The following FHOD1 variants were observed in gnomAD, a reference collection of about 807,000 sequenced individuals.
FHOD1 encodes the protein formin homology 2 domain containing 1, also known as FH1/FH2 domain-containing protein 1.
Under a neutral mutation model 111.6 loss-of-function variants are expected in FHOD1, and 89 were observed. The observed-to-expected ratio is 0.80, with a 90% CI of 0.67 to 0.95. FHOD1 has a LOEUF of 0.95. Among genes scored for constraint, FHOD1 ranks in the 40% least tolerant of loss-of-function variants. The pLI, the probability that FHOD1 is intolerant of heterozygous loss-of-function variation, is 0.00. For missense variants in FHOD1, 1,446 were observed against 1,554.2 expected, an observed-to-expected ratio of 0.93 and a Z score of 1.17; for synonymous variants, 618 against 639.0, an observed-to-expected ratio of 0.97 and a Z score of 0.50.
At position 67,233,766 on chromosome 16, in the gene FHOD1, C is replaced by T. The variant is rs756274113; in HGVS notation, c.1937G>A (p.Arg646His). The T allele has an allele frequency of 2.9e-5, 47 of 1,613,742 alleles. No individual in the cohort carries two copies. The highest frequency in any genetic ancestry group is 3.7e-5 in the Non-Finnish European group (44 of 1,180,008). Residue 646 changes from arginine (R) to histidine (H), a missense_variant, in exon 13 of 22, where the codon CGC becomes CAC. Around this residue, in one of 3 missense-constraint regions of FHOD1, gnomAD observed 1,085 missense variants for 1,108.8 expected, o/e 0.98. Transcript: ENST00000258201. ...LAGGHGVSAS[R>H]FGPCATLWAS... ...CCAGAGGGTGGCGCAGGGCCCAAAGCGGCTTGCAGAGACTCCATGGCCCCC... is the reference window on the plus strand; with the variant it reads ...CCAGAGGGTGGCGCAGGGCCCAAAGTGGCTTGCAGAGACTCCATGGCCCCC...
At position 67,237,684 on chromosome 16, in the gene FHOD1, C is replaced by T. The variant is rs753286217; in HGVS notation, c.727G>A (p.Ala243Thr). The T allele has an allele frequency of 3.1e-6, 5 of 1,614,034 alleles. No homozygotes were observed. In the African/African-American group the frequency reaches 5.3e-5, roughly 17 times the overall value. ...GTGGTGCTGGCCACAGAGTTCACTGCACGGATGAACAGCGGTGCGTTGTTT... is the reference window on the plus strand; with the variant it reads ...GTGGTGCTGGCCACAGAGTTCACTGTACGGATGAACAGCGGTGCGTTGTTT... ...SENNAPLFIRAVNSVASTTGA... is the reference protein window; with the variant it reads ...SENNAPLFIRTVNSVASTTGA... Residue 243 changes from alanine (A) to threonine (T), a missense_variant, in exon 7 of 22, where the codon GCA (alanine) becomes ACA (threonine). Around this residue, in one of 3 missense-constraint regions of FHOD1, gnomAD observed 234 missense variants for 327.4 expected, o/e 0.71. Coordinates refer to ENST00000258201, the MANE Select transcript of FHOD1 (RefSeq NM_013241.3). The surrounding 1 kb of genome is among the most constrained non-coding windows in gnomAD (Gnocchi z 5.6).
rs2034516046 is a variant in FHOD1, at chr16:67,237,140, G to GA, written c.994-27dup. The stretch of plus-strand genomic sequence containing the variant: ...CTAGCAGAGGCGGACCAGGATGTAA[G>GA]AAAGTGGTTAACGTGTATGCAGGTG... On this transcript the variant is annotated intron_variant, in intron 9 of 21. Transcript: ENST00000258201. This position sits in a 1 kb window ranked among gnomAD's most constrained non-coding sequence, Gnocchi z 5.6. The GA allele has an allele frequency of 1.2e-6, 2 of 1,604,148 alleles. No individual in the cohort carries two copies. The highest frequency in any genetic ancestry group is 1.7e-6 in the Non-Finnish European group (2 of 1,174,416).
In FHOD1 at chr16:67,231,629, C is replaced by T; in HGVS notation, c.2385+8G>A. ...CCTACTGACTGTCCCACTCCAAGAC[C>T]CAGGTACCCGCTCCATGCTGTCATA... On this transcript the variant is annotated splice_region_variant and intron_variant, in intron 15 of 21. Transcript: ENST00000258201. This position sits in a 1 kb window ranked among gnomAD's most constrained non-coding sequence, Gnocchi z 4.3. 1 of 1,614,108 alleles carries T rather than the reference C, an allele frequency of 6.2e-7. No individual in the cohort carries two copies. The highest frequency in any genetic ancestry group is 1.1e-5 in the South Asian group (1 of 91,080).
rs1358203039 is a variant in FHOD1 at position 67,237,717 on chromosome 16, A to T, written c.694T>A (p.Tyr232Asn). ...ALKLLLVFVE[Y>N]SENNAPLFIR... ...AACAGCGGTGCGTTGTTTTCGGAGT[A>T]TTCTACAAACACCAACAGCAGCTTC... The change falls in exon 7 of 22, where the codon TAC (tyrosine) becomes AAC (asparagine). Residue 232 changes from tyrosine (Y) to asparagine (N), a missense_variant. By Grantham distance (143) the Tyr-to-Asn change is moderately radical. Coordinates refer to ENST00000258201, the MANE Select transcript of FHOD1 (RefSeq NM_013241.3). The surrounding 1 kb of genome is among the most constrained non-coding windows in gnomAD (Gnocchi z 5.6). The T allele has an allele frequency of 1.2e-6, 2 of 1,614,196 alleles. No individual in the cohort carries two copies. The highest frequency in any genetic ancestry group is 2.2e-5 in the South Asian group (2 of 91,088).
At chr16:67,234,530 G>A (rs969055293) in intron 11 of FHOD1, 58 bp from the exon 12 acceptor site, 2 of 1,429,706 alleles carry the variant, frequency 1.4e-6, no homozygotes, top group African/African-American at 2.8e-5. Flanking sequence ...AGGTGTACAT[G>A]CCTTGCTGAG....
At position 67,238,873 on chromosome 16, in the gene FHOD1, T is replaced by C. The variant is rs1017417846; in HGVS notation, c.373+30A>G. ...CAACTGGGCTATGGGGAGGAGGTGC[T>C]GCTGGACATGGATGCTCTCACACAC... is the stretch of plus-strand genomic sequence containing the variant. On this transcript the variant is annotated intron_variant, in intron 3 of 21. Transcript: ENST00000258201. This position sits in a 1 kb window ranked among gnomAD's most constrained non-coding sequence, Gnocchi z 4.2. 5 of 1,612,286 alleles carry C rather than the reference T, an allele frequency of 3.1e-6. No individual in the cohort carries two copies. The highest frequency in any genetic ancestry group is 4.2e-6 in the Non-Finnish European group (5 of 1,178,280).
intron 13 of FHOD1, 28 bp downstream of exon 13, chr16:67,233,629 G>A: frequency 7.0e-6 from 11 of 1,560,802 alleles, no homozygotes; most frequent in Non-Finnish European, 9.6e-6. Flanking sequence ...GCCTCCCTTG[G>A]GGCTACCTTG....
intron 17 of FHOD1, 142 bp from the exon 18 acceptor site, chr16:67,230,933 C>G: frequency 2.1e-6 from 2 of 958,960 alleles, no homozygotes; most frequent in Non-Finnish European, 3.1e-6. Flanking sequence ...GCAAGAGACA[C>G]AAGTCCATCT....
chr16:67,231,453 C>G lies in FHOD1; in HGVS notation c.2482G>C (p.Gly828Arg). ...ACCTGGGAGCCATTGAGGAAGTTGC[C>G]CACCGCTAGGAGGGTAGCCAGGATG... ...RCILATLLAVGNFLNGSQSSG... is the reference protein window; with the variant it reads ...RCILATLLAVRNFLNGSQSSG... The change falls in exon 16 of 22, where the codon GGC becomes CGC. Residue 828 changes from glycine (G) to arginine (R), a missense_variant. Gly to Arg is a moderately radical substitution (Grantham distance 125, BLOSUM62 -2). Around this residue, in one of 3 missense-constraint regions of FHOD1, gnomAD observed 1,085 missense variants for 1,108.8 expected, o/e 0.98. Transcript: ENST00000258201. The surrounding 1 kb of genome is among the most constrained non-coding windows in gnomAD (Gnocchi z 4.3). The G allele has an allele frequency of 6.2e-7, 1 of 1,614,120 alleles. No homozygotes were observed.
Position 67,229,475 on chromosome 16 carries a change from TACAC to T in FHOD1, c.*157_*160del, listed in dbSNP as rs71659690. On this transcript the variant is annotated 3_prime_UTR_variant, in exon 22 of 22. Transcript: ENST00000258201. ...ATGCATATGCATGCACACACACACA[TACAC>T]ACACACTCACATGCATACACACACG... The T allele has an allele frequency of 2.4e-5, 16 of 669,360 alleles. No homozygotes were observed. Among genetic ancestry groups the T allele is most frequent in the East Asian group, 5.3e-5 (2 of 37,418 alleles). 41.5% of individuals were successfully genotyped at this position (669,360 alleles called of 1,614,324 possible). A position where few individuals can be genotyped will look rare whatever the true frequency, so the allele number is the denominator to read the frequency against.
chr16:67,231,988 C>A lies in FHOD1; in HGVS notation c.2202+51G>T. 1 of 1,603,822 alleles carries A rather than the reference C, an allele frequency of 6.2e-7. No individual in the cohort carries two copies. Among genetic ancestry groups the A allele is most frequent in the Non-Finnish European group, 8.5e-7 (1 of 1,173,626 alleles). On this transcript the variant is annotated intron_variant, in intron 14 of 21. Coordinates refer to ENST00000258201, the MANE Select transcript of FHOD1 (RefSeq NM_013241.3). This position sits in a 1 kb window ranked among gnomAD's most constrained non-coding sequence, Gnocchi z 4.3. The stretch of plus-strand genomic sequence containing the variant: ...AGAGGGACAGGAAATGCCCACCTAC[C>A]AAAGGAGAAGGCCAGACCTCCCCCC...
intron 2 of FHOD1, 138 bp from the exon 3 acceptor site, chr16:67,239,105 G>C (rs559276313): frequency 1.4e-4 from 124 of 859,988 alleles, no homozygotes; most frequent in South Asian, 3.9e-4. Flanking sequence ...AGAACCCAAG[G>C]GTTGGTCGGA....
intron 1 of FHOD1, chr16:67,246,804 T>C: frequency 2.6e-5 from 5 of 192,614 alleles, no homozygotes; most frequent in South Asian, 1.3e-4. Context: ...GGCCCGCCCC[T>C]CCTCGTGGTC....
chr16:67,233,689 C>CA lies in FHOD1; in HGVS notation c.2013dup (p.Glu672Ter). The CA allele has an allele frequency of 6.2e-7, 1 of 1,605,784 alleles. No individual in the cohort carries two copies. The highest frequency in any genetic ancestry group is 1.1e-5 in the South Asian group (1 of 90,818). ...GGCAGCACCTCTTTGGCACGAGACTCAAAGAGGTGTTCCAGTCGGGCCGTG... is the reference window on the plus strand; with the variant it reads ...GGCAGCACCTCTTTGGCACGAGACTCAAAAGAGGTGTTCCAGTCGGGCCGTG... On this transcript the variant is annotated frameshift_variant, in exon 13 of 22. Coordinates refer to ENST00000258201, the MANE Select transcript of FHOD1 (RefSeq NM_013241.3). LOFTEE classifies it high-confidence loss of function.
At chr16:67,246,958 C>T (rs924941022) in intron 1 of FHOD1, 5 of 523,732 alleles carry the variant, frequency 9.5e-6, no homozygotes, top group Non-Finnish European at 1.3e-5. Flanking sequence ...TCGAGCACCT[C>T]CCCAGGTGCG....
Position 67,230,300 on chromosome 16 carries a change from G to A in FHOD1, c.3051+14C>T. On this transcript the variant is annotated intron_variant, in intron 19 of 21. Coordinates refer to ENST00000258201, the MANE Select transcript of FHOD1 (RefSeq NM_013241.3). ...GAGGTGGCAGTCAAGACTAAGACCT[G>A]GAAGGGCACCCACCTCGGTGATCAT... 3.1e-6 allele frequency: 5 copies of A among 1,614,052 alleles called. No individual in the cohort carries two copies. Among genetic ancestry groups the A allele is most frequent in the Non-Finnish European group, 4.2e-6 (5 of 1,179,878 alleles).
intron 2 of FHOD1, 99 bp downstream of exon 2, chr16:67,239,249 G>T: frequency 1.0e-6 from 1 of 972,956 alleles, no homozygotes; most frequent in Non-Finnish European, 1.7e-6. Flanking sequence ...GGTGACCCAT[G>T]GCTCAGGCTA....
chr16:67,246,708 A>G (rs2034851679), intron 1 of FHOD1, among the ~76,000 whole-genome samples: 2 of 152,098 alleles, frequency 1.3e-5, no homozygotes. Context: ...CGGCACTCCC[A>G]TACTCCCATT....
chr16:67,247,469 C>T lies in FHOD1; in HGVS notation c.-59G>A. ...AGTCCCGGCCCCAGTGCAGCTTCTA[C>T]TCAAAGCACACTGTAGCTCCGCGGT... On this transcript the variant is annotated 5_prime_UTR_variant, in exon 1 of 22. Transcript: ENST00000258201. 6.4e-7 allele frequency: 1 copy of T among 1,562,220 alleles called. No individual in the cohort carries two copies. The highest frequency in any genetic ancestry group is 8.7e-7 in the Non-Finnish European group (1 of 1,147,186).
Sources: gnomAD v4.1 joint callset for allele counts (sites outside exome capture counted in the v4.1 genomes callset) on GRCh38, gnomAD v4.1.1 for gene constraint, gnomAD v4.1.1 regional missense constraint, Gnocchi (gnomAD v3.1) non-coding constraint, MANE v1.5 for transcripts, NCBI Gene and HGNC (gene_info 2026-07-23, HGNC 2026-07-21) for gene names.